AGAP1: variants seen among roughly 807,000 people sequenced by gnomAD.
The protein encoded by AGAP1 is ArfGAP with GTPase domain, ankyrin repeat and PH domain 1, also known as arf-GAP with GTPase, ANK repeat and PH domain-containing protein 1.
Under a neutral mutation model 105.3 loss-of-function variants are expected in AGAP1, and 29 were observed. The ratio of observed to expected loss-of-function variants is 0.28; its 90% CI spans 0.21 to 0.38. AGAP1 has a LOEUF of 0.38. AGAP1 is among the 10% of genes least tolerant of loss of function. The pLI, the probability that AGAP1 is intolerant of heterozygous loss-of-function variation, is 1.00. For synonymous variants in AGAP1, 509 were observed against 485.9 expected, an observed-to-expected ratio of 1.05 and a Z score of -0.63; for missense variants, 998 against 1,165.1, an observed-to-expected ratio of 0.86 and a Z score of 2.09.
intron 13 of AGAP1, among the ~76,000 whole-genome samples, chr2:236,023,132 G>A (rs924468138): frequency 5.3e-5 from 8 of 152,296 alleles, no homozygotes; most frequent in South Asian, 2.1e-4. Context: ...ACAAGGTAGC[G>A]AGTATATTCC....
In AGAP1 at chr2:235,642,079, C is replaced by G. The variant is rs2149307340; in HGVS notation, c.164-67100C>G. Among the ~76,000 whole-genome samples the G allele has an allele frequency of 6.6e-6, 1 of 152,336 alleles. No individual in the cohort carries two copies. Among genetic ancestry groups the G allele is most frequent in the Non-Finnish European group, 1.5e-5 (1 of 68,036 alleles). On this transcript the variant is annotated intron_variant, in intron 1 of 17. Transcript: ENST00000304032. This position sits in a 1 kb window ranked among gnomAD's most constrained non-coding sequence, Gnocchi z 4.1. ...AGCCTCGTAGTAGATTCTCAGGTCCCAGGGGTGCACATGCCTGTGTTTTTA... is the reference window on the plus strand; with the variant it reads ...AGCCTCGTAGTAGATTCTCAGGTCCGAGGGGTGCACATGCCTGTGTTTTTA...
intron 3 of AGAP1, among the ~76,000 whole-genome samples, chr2:235,735,798 T>G (rs1952213264): frequency 6.6e-6 from 1 of 152,128 alleles, no homozygotes; most frequent in East Asian, 1.9e-4. Context: ...TTCCACATGT[T>G]CTGGGAACCC....
chr2:235,514,156 G>A (rs1055708406), intron 1 of AGAP1, among the ~76,000 whole-genome samples: 7 of 65,902 alleles, frequency 1.1e-4, no homozygotes, highest in South Asian at 6.8e-4. Context: ...ATGCGCGTGC[G>A]CGCGCGCACA....
At position 235,801,287 on chromosome 2, in the gene AGAP1, C is replaced by T. The variant is rs1393367771; in HGVS notation, c.957+1765C>T. Among the ~76,000 whole-genome samples the T allele has an allele frequency of 2.6e-5, 4 of 152,260 alleles. No homozygotes were observed. The highest frequency in any genetic ancestry group is 4.4e-5 in the Non-Finnish European group (3 of 68,020). On this transcript the variant is annotated intron_variant, in intron 8 of 17. Transcript: ENST00000304032. The surrounding 1 kb of genome is among the most constrained non-coding windows in gnomAD (Gnocchi z 6.0). Reference sequence around the variant, plus strand: ...TGGGCTGGAAACCATAGTACTTCTGCAGTGGGGCTTCCGGGAAGACTTCCT... The same window carrying T: ...TGGGCTGGAAACCATAGTACTTCTGTAGTGGGGCTTCCGGGAAGACTTCCT...
chr2:236,060,293 T>C (rs1393529695), intron 16 of AGAP1, among the ~76,000 whole-genome samples: 1 of 152,260 alleles, frequency 6.6e-6, no homozygotes, highest in African/African-American at 2.4e-5. Flanking sequence ...TTAAAAATTT[T>C]AGTGCTTCAA....
chr2:235,531,060 G>A (rs1418436605), intron 1 of AGAP1, among the ~76,000 whole-genome samples: 7 of 152,212 alleles, frequency 4.6e-5, no homozygotes, highest in African/African-American at 1.2e-4. Flanking sequence ...AAAACCAGTA[G>A]CTGAATAAAG....
rs1049185124 is a variant in AGAP1 at position 235,879,651 on chromosome 2, A to G, written c.1051-3694A>G. 6.6e-6 allele frequency among the ~76,000 whole-genome samples: 1 copy of G among 152,116 alleles called. No individual in the cohort carries two copies. The highest frequency in any genetic ancestry group is 1.5e-5 in the Non-Finnish European group (1 of 68,016). ...CACTTTCTAAAGACCTAAGCGAGGCATGGTGGCTCACTCCCCTGTTACCCC... is the reference window on the plus strand; with the variant it reads ...CACTTTCTAAAGACCTAAGCGAGGCGTGGTGGCTCACTCCCCTGTTACCCC... On this transcript the variant is annotated intron_variant, in intron 9 of 17. Transcript: ENST00000304032. This position sits in a 1 kb window ranked among gnomAD's most constrained non-coding sequence, Gnocchi z 5.0.
chr2:236,128,132 C>A lies in AGAP1; in HGVS notation c.*4010C>A, dbSNP rs1216259324. 2.0e-5 allele frequency: 3 copies of A among 152,236 alleles called. No homozygotes were observed. The highest frequency in any genetic ancestry group is 4.4e-5 in the Non-Finnish European group (3 of 68,154). 9.4% of individuals were successfully genotyped at this position (152,236 alleles called of 1,614,324 possible). On this transcript the variant is annotated 3_prime_UTR_variant, in exon 18 of 18. Transcript: ENST00000304032. This position sits in a 1 kb window ranked among gnomAD's most constrained non-coding sequence, Gnocchi z 5.9. ...CTCTCTCAGCTTGCCAGTGCCCTGC[C>A]CTCCACATGGCGGGGAACAGCATCA... is the stretch of plus-strand genomic sequence containing the variant.
chr2:235,603,227 TTGCC>T (rs538745270), intron 1 of AGAP1, among the ~76,000 whole-genome samples: 142 of 152,016 alleles, frequency 9.3e-4, no homozygotes, highest in African/African-American at 3.3e-3. Flanking sequence ...CGTCTCTCTC[TTGCC>T]TGCCGCCATG....
At position 236,017,952 on chromosome 2, in the gene AGAP1, T is replaced by A. The variant is rs151004616; in HGVS notation, c.1646-18609T>A. Among the ~76,000 whole-genome samples the A allele has an allele frequency of 5.9e-3, 891 of 152,228 alleles. 4 individuals carry two copies. Among genetic ancestry groups the A allele is most frequent in the African/African-American group, 0.02 (840 of 41,540 alleles). On this transcript the variant is annotated intron_variant, in intron 13 of 17. Coordinates refer to ENST00000304032, the MANE Select transcript of AGAP1 (RefSeq NM_001037131.3). ...TGTGGGACCTGCTCACAGATCCACG[T>A]GGAAGGAGTTTGTGGATGGAAGTCA...
chr2:235,526,820 A>C (rs1377530855), intron 1 of AGAP1, among the ~76,000 whole-genome samples: 2 of 152,174 alleles, frequency 1.3e-5, no homozygotes, highest in Admixed American at 6.5e-5. Flanking sequence ...GATAAACCTA[A>C]AAATTAAAAG....
At chr2:236,106,942 C>G (rs2059511744) in intron 16 of AGAP1, among the ~76,000 whole-genome samples, 1 of 151,788 alleles carries the variant, frequency 6.6e-6, no homozygotes, top group African/African-American at 2.4e-5. Context: ...GTGCATTTTA[C>G]AGATGTGTCA....
intron 1 of AGAP1, among the ~76,000 whole-genome samples, chr2:235,680,863 C>T (rs775566370): frequency 2.1e-4 from 32 of 152,106 alleles, no homozygotes; most frequent in African/African-American, 4.1e-4. Flanking sequence ...GGCCAGCTTC[C>T]GCCTCTGAAC....
chr2:235,937,997 C>T (rs958210684), intron 12 of AGAP1, among the ~76,000 whole-genome samples: 6 of 152,250 alleles, frequency 3.9e-5, no homozygotes, highest in African/African-American at 1.2e-4. Context: ...AAAGGAAAGC[C>T]GGTTTCTGGT....
chr2:236,017,646 G>A (rs2056751696), intron 13 of AGAP1, among the ~76,000 whole-genome samples: 1 of 152,192 alleles, frequency 6.6e-6, no homozygotes, highest in African/African-American at 2.4e-5. Flanking sequence ...ACTAGGAGCT[G>A]GGAGTGGACT....
At chr2:235,511,664 A>T (rs143003368) in intron 1 of AGAP1, among the ~76,000 whole-genome samples, 1 of 152,168 alleles carries the variant, frequency 6.6e-6, no homozygotes, top group Non-Finnish European at 1.5e-5. Flanking sequence ...ACTTCTATAT[A>T]TAAATCTTTT....
chr2:235,548,492 A>G (rs1943699499), intron 1 of AGAP1, among the ~76,000 whole-genome samples: 1 of 152,132 alleles, frequency 6.6e-6, no homozygotes, highest in South Asian at 2.1e-4. Context: ...CGTCTCTACT[A>G]AAAATACAGA....
Position 236,025,497 on chromosome 2 carries a change from T to A in AGAP1, c.1646-11064T>A, listed in dbSNP as rs1026935990. ...GAACCTTAGGAGGAGCATGTTCCTG[T>A]TCTCTCCACACAGAAGAAGGGAAAT... is the stretch of plus-strand genomic sequence containing the variant. On this transcript the variant is annotated intron_variant, in intron 13 of 17. Coordinates refer to ENST00000304032, the MANE Select transcript of AGAP1 (RefSeq NM_001037131.3). Among the ~76,000 whole-genome samples the A allele has an allele frequency of 1.4e-4, 22 of 152,272 alleles. No homozygotes were observed. In the East Asian group the frequency reaches 4.2e-3, roughly 29 times the overall value.
At position 235,875,528 on chromosome 2, in the gene AGAP1, G is replaced by A. The variant is rs1358901605; in HGVS notation, c.1051-7817G>A. Among the ~76,000 whole-genome samples the A allele has an allele frequency of 4.6e-5, 7 of 152,264 alleles. No individual in the cohort carries two copies. Among genetic ancestry groups the A allele is most frequent in the Admixed American group, 3.3e-4 (5 of 15,290 alleles). ...TTGAGTCACGTGCTTACTGTGTGTC[G>A]GAACACTTGTGCTTTGAAGGCTGCG... On this transcript the variant is annotated intron_variant, in intron 9 of 17. Coordinates refer to ENST00000304032, the MANE Select transcript of AGAP1 (RefSeq NM_001037131.3). This position sits in a 1 kb window ranked among gnomAD's most constrained non-coding sequence, Gnocchi z 4.0.
Sources: gnomAD v4.1 joint callset for allele counts (sites outside exome capture counted in the v4.1 genomes callset) on GRCh38, gnomAD v4.1.1 for gene constraint, Gnocchi (gnomAD v3.1) non-coding constraint, MANE v1.5 for transcripts, NCBI Gene and HGNC (gene_info 2026-07-23, HGNC 2026-07-21) for gene names.